PARD3B: variants seen among roughly 807,000 people sequenced by gnomAD.
The protein encoded by PARD3B is par-3 family cell polarity regulator beta, also known as partitioning defective 3 homolog B.
PARD3B carries 103 observed loss-of-function variants against 130.2 expected under a neutral mutation model. The ratio of observed to expected loss-of-function variants is 0.79; its 90% CI spans 0.67 to 0.93. The LOEUF is 0.93. PARD3B is among the 40% of genes least tolerant of loss of function. The pLI is 0.00. For missense variants in PARD3B, 1,609 were observed against 1,499.2 expected, an observed-to-expected ratio of 1.07 and a Z score of -1.21; for synonymous variants, 583 against 553.2, an observed-to-expected ratio of 1.05 and a Z score of -0.76.
At chr2:205,000,781 A>G (rs756326130) in intron 3 of PARD3B, among the ~76,000 whole-genome samples, 3 of 152,076 alleles carry the variant, frequency 2.0e-5, no homozygotes, top group Non-Finnish European at 2.9e-5. Context: ...CATCGTCCCT[A>G]CTTCCATCCA....
At chr2:205,172,424 C>G in intron 12 of PARD3B, 43 bp downstream of exon 12, 1 of 1,575,892 alleles carries the variant, frequency 6.3e-7, no homozygotes, top group Non-Finnish European at 8.7e-7. Context: ...GCCCAAATTG[C>G]CACCAGAATA....
At chr2:205,376,706 C>T (rs894832073) in intron 18 of PARD3B, among the ~76,000 whole-genome samples, 18 of 152,100 alleles carry the variant, frequency 1.2e-4, no homozygotes, top group African/African-American at 3.1e-4. Flanking sequence ...GAGATGTAAA[C>T]GAAAGCTGTG....
intron 19 of PARD3B, among the ~76,000 whole-genome samples, chr2:205,429,063 C>T (rs952984800): frequency 6.6e-6 from 1 of 152,124 alleles, no homozygotes; most frequent in Middle Eastern, 3.2e-3. Flanking sequence ...AGAGCTCATA[C>T]AATGCAGTCT....
At chr2:204,778,633 T>C (rs551038327) in intron 2 of PARD3B, among the ~76,000 whole-genome samples, 1 of 152,290 alleles carries the variant, frequency 6.6e-6, no homozygotes, top group Admixed American at 6.5e-5. Flanking sequence ...CCCTGCCATA[T>C]TCCCCTCTCT....
At chr2:205,194,475 CA>C (rs1425452026) in intron 15 of PARD3B, among the ~76,000 whole-genome samples, 2 of 152,164 alleles carry the variant, frequency 1.3e-5, no homozygotes, top group Non-Finnish European at 2.9e-5. Context: ...TAATTTGTGA[CA>C]GTGACATAGG....
intron 2 of PARD3B, among the ~76,000 whole-genome samples, chr2:204,739,873 GCTT>G (rs1283939726): frequency 2.0e-5 from 3 of 151,660 alleles, no homozygotes; most frequent in Non-Finnish European, 1.5e-5. Context: ...TAAGAATAAA[GCTT>G]CTCAGCTTTA....
intron 2 of PARD3B, among the ~76,000 whole-genome samples, chr2:204,847,905 G>A (rs2044530948): frequency 6.6e-6 from 1 of 152,152 alleles, no homozygotes; most frequent in Non-Finnish European, 1.5e-5. Flanking sequence ...CAATGAGATT[G>A]TGAAGAAGGA....
Position 205,408,236 on chromosome 2 carries a change from T to A in PARD3B, c.2741+7113T>A, listed in dbSNP as rs540733323. On this transcript the variant is annotated intron_variant, in intron 19 of 22. Coordinates refer to ENST00000406610, the MANE Select transcript of PARD3B (RefSeq NM_001302769.2). ...TTAGTTTAAATCAATACATGTGTTT[T>A]TGATATTTGGCAAACCAAGATTTAA... Among the ~76,000 whole-genome samples, 4 of 152,328 alleles carry A rather than the reference T, an allele frequency of 2.6e-5. No homozygotes were observed. The South Asian group carries it at 8.3e-4, about 32-fold the overall frequency.
chr2:205,398,677 A>G (rs2046125284), intron 18 of PARD3B, among the ~76,000 whole-genome samples: 1 of 152,208 alleles, frequency 6.6e-6, no homozygotes, highest in African/African-American at 2.4e-5. Flanking sequence ...AATTATGAAT[A>G]TAAGCAATGC....
intron 19 of PARD3B, among the ~76,000 whole-genome samples, chr2:205,403,118 G>T (rs1047599040): frequency 6.6e-6 from 1 of 152,132 alleles, no homozygotes; most frequent in African/African-American, 2.4e-5. Flanking sequence ...AATAGAGTAA[G>T]AAATAGTGAT....
In PARD3B at chr2:204,857,585, A is replaced by G. The variant is rs1308628982; in HGVS notation, c.223-107567A>G. Among the ~76,000 whole-genome samples, 5 of 152,342 alleles carry G rather than the reference A, an allele frequency of 3.3e-5. No individual in the cohort carries two copies. In the South Asian group the frequency reaches 1.0e-3, roughly 32 times the overall value. ...TATTTTTATGCTAAGTTTGATTAAG[A>G]AGTTGATAATTATAGATAAATATTT... On this transcript the variant is annotated intron_variant, in intron 2 of 22. Transcript: ENST00000406610.
chr2:204,916,505 A>G (rs1431504191), intron 2 of PARD3B, among the ~76,000 whole-genome samples: 1 of 152,226 alleles, frequency 6.6e-6, no homozygotes, highest in Non-Finnish European at 1.5e-5. Context: ...TAGCATATTG[A>G]ATTTTAAATT....
intron 4 of PARD3B, among the ~76,000 whole-genome samples, chr2:205,055,189 T>C (rs530145587): frequency 7.9e-5 from 12 of 152,314 alleles, no homozygotes; most frequent in Non-Finnish European, 1.6e-4. Context: ...GTTATAACTT[T>C]GTAATTTTCT....
At chr2:204,945,785 G>C (rs775377447) in intron 2 of PARD3B, among the ~76,000 whole-genome samples, 4 of 152,154 alleles carry the variant, frequency 2.6e-5, no homozygotes, top group Non-Finnish European at 4.4e-5. Context: ...AGACATTCAA[G>C]GTCCTTTGCT....
At chr2:204,944,003 C>T (rs1689116557) in intron 2 of PARD3B, among the ~76,000 whole-genome samples, 1 of 151,948 alleles carries the variant, frequency 6.6e-6, no homozygotes, top group African/African-American at 2.4e-5. Flanking sequence ...TTAAGAACAA[C>T]TCAAATGATT....
chr2:204,800,885 TGTATAAG>T (rs1193622077), intron 2 of PARD3B, among the ~76,000 whole-genome samples: 1 of 152,178 alleles, frequency 6.6e-6, no homozygotes, highest in African/African-American at 2.4e-5. Flanking sequence ...AGTTAATTTT[TGTATAAG>T]GTATAAGGAA....
intron 22 of PARD3B, among the ~76,000 whole-genome samples, chr2:205,610,330 C>T (rs1386980933): frequency 6.6e-6 from 1 of 152,144 alleles, no homozygotes; most frequent in East Asian, 1.9e-4. Context: ...ACATTGTCTC[C>T]CTAAGACCCT....
chr2:204,941,313 G>T (rs1267625470), intron 2 of PARD3B, among the ~76,000 whole-genome samples: 1 of 152,186 alleles, frequency 6.6e-6, no homozygotes, highest in African/African-American at 2.4e-5. Context: ...GGCGGAGGTT[G>T]CAGTGAGCCA....
chr2:205,216,146 CAG>C (rs2037896638), intron 15 of PARD3B, among the ~76,000 whole-genome samples: 1 of 152,104 alleles, frequency 6.6e-6, no homozygotes, highest in Non-Finnish European at 1.5e-5. Flanking sequence ...TTTAGAAACA[CAG>C]ATACTTACCA....
Sources: allele counts gnomAD v4.1 joint callset (sites outside exome capture counted in the v4.1 genomes callset), GRCh38; gene constraint gnomAD v4.1.1; transcripts MANE v1.5; gene names NCBI Gene and HGNC (gene_info 2026-07-23, HGNC 2026-07-21).